Variants in HORMAD2 observed in about 807,000 individuals in gnomAD.
HORMAD2 encodes the protein HORMA domain containing 2, also known as HORMA domain-containing protein 2.
A neutral mutation model predicts 38.8 loss-of-function variants in HORMAD2; 45 were observed. The ratio of observed to expected loss-of-function variants is 1.16; its 90% CI spans 0.91 to 1.49. The LOEUF (loss-of-function observed/expected upper bound fraction) is 1.49. Ranked by LOEUF, HORMAD2 falls within the 40% of genes most tolerant of loss-of-function variation. The probability of loss-of-function intolerance (pLI) is 0.00; values close to 1 mark genes in which losing one functional copy is unlikely to be tolerated. For missense variants in HORMAD2, 338 were observed against 367.0 expected (o/e 0.92, Z 0.65); for synonymous variants, 126 against 122.8 (o/e 1.03, Z -0.17).
intron 10 of HORMAD2, among the ~76,000 whole-genome samples, chr22:30,150,734 C>T (rs888121867): frequency 6.6e-6 from 1 of 152,206 alleles, no homozygotes; most frequent in Non-Finnish European, 1.5e-5. Context: ...GGCTAGCCAA[C>T]AGTGTTTTGG....
chr22:30,159,333 A>T (rs2146212603), intron 10 of HORMAD2, among the ~76,000 whole-genome samples: 1 of 152,298 alleles, frequency 6.6e-6, no homozygotes, highest in Middle Eastern at 3.4e-3. Flanking sequence ...AAGCCCTACC[A>T]CATCACGGAA....
chr22:30,199,114 C>T, the HORMAD2 span, among the ~76,000 whole-genome samples: 1 of 152,196 alleles, frequency 6.6e-6, no homozygotes, highest in African/African-American at 2.4e-5. Context: ...TTTCCCCAAC[C>T]TAATTTTGTT....
chr22:30,205,429 C>G, the HORMAD2 span, among the ~76,000 whole-genome samples: 7 of 152,300 alleles, frequency 4.6e-5, no homozygotes, highest in African/African-American at 1.7e-4. Context: ...CCAGCTACCT[C>G]GTTTCGCAGA....
chr22:30,111,369 G>A (rs7287570), intron 5 of HORMAD2, among the ~76,000 whole-genome samples: 37 of 151,784 alleles, frequency 2.4e-4, no homozygotes, highest in African/African-American at 8.0e-4. Context: ...ATCTGTAATC[G>A]CAGCTACTCA....
At chr22:30,167,721 G>T (rs1372688646) in intron 10 of HORMAD2, among the ~76,000 whole-genome samples, 1 of 152,150 alleles carries the variant, frequency 6.6e-6, no homozygotes, top group Non-Finnish European at 1.5e-5. Context: ...AATAGGCTGT[G>T]CCCAAGGAAA....
At chr22:30,173,528 C>T (rs1274094201) in intron 10 of HORMAD2, among the ~76,000 whole-genome samples, 1 of 152,118 alleles carries the variant, frequency 6.6e-6, no homozygotes, top group Admixed American at 6.5e-5. Context: ...ACTTGGACAC[C>T]TTGGGTGAGT....
chr22:30,102,077 A>T (rs1920950769), intron 3 of HORMAD2, among the ~76,000 whole-genome samples: 1 of 152,102 alleles, frequency 6.6e-6, no homozygotes, highest in Non-Finnish European at 1.5e-5. Context: ...CAAAAAAAAA[A>T]ATTATCTTAA....
chr22:30,140,799 A>T (rs1248149009), intron 10 of HORMAD2, among the ~76,000 whole-genome samples: 1 of 151,926 alleles, frequency 6.6e-6, no homozygotes, highest in East Asian at 1.9e-4. Flanking sequence ...AATCTGTATT[A>T]TTTCCTTCCT....
At chr22:30,119,292 C>CA (rs1219499346) in intron 8 of HORMAD2, among the ~76,000 whole-genome samples, 17 of 152,200 alleles carry the variant, frequency 1.1e-4, no homozygotes, top group African/African-American at 4.1e-4. Context: ...AGGTTGCCTA[C>CA]ACGCTATTGA....
chr22:30,150,285 C>T (rs1418024000), intron 10 of HORMAD2, among the ~76,000 whole-genome samples: 3 of 152,090 alleles, frequency 2.0e-5, no homozygotes, highest in Non-Finnish European at 4.4e-5. Flanking sequence ...CATAGTCCTA[C>T]TCTTCTATTG....
At chr22:30,086,788 T>C (rs1019505852) in intron 1 of HORMAD2, among the ~76,000 whole-genome samples, 1 of 152,058 alleles carries the variant, frequency 6.6e-6, no homozygotes, top group Non-Finnish European at 1.5e-5. Flanking sequence ...ATTTGAGATA[T>C]ATATATATAT....
At chr22:30,198,945 C>T in the HORMAD2 span, among the ~76,000 whole-genome samples, 3 of 152,220 alleles carry the variant, frequency 2.0e-5, no homozygotes, top group South Asian at 2.1e-4. Flanking sequence ...GTACCAGCTT[C>T]GTACAAGGCT....
At chr22:30,163,135 G>A (rs1247347865) in intron 10 of HORMAD2, among the ~76,000 whole-genome samples, 1 of 151,862 alleles carries the variant, frequency 6.6e-6, no homozygotes, top group East Asian at 1.9e-4. Context: ...TTTAACTGTG[G>A]CATAGTAATC....
At chr22:30,091,506 C>T (rs1458912505) in intron 1 of HORMAD2, among the ~76,000 whole-genome samples, 1 of 151,988 alleles carries the variant, frequency 6.6e-6, no homozygotes, top group African/African-American at 2.4e-5. Flanking sequence ...GCTCAAGCAA[C>T]CTGCCTGCCT....
rs143678585 is a variant in HORMAD2 at position 30,172,300 on chromosome 22, G to C, written c.820-3763G>C. ...TGATAGGTCCCAAACACCTAGAAGA[G>C]TGCCATGCACATAGCTGACACTCAA... On this transcript the variant is annotated intron_variant, in intron 10 of 10. Transcript: ENST00000336726. Among the ~76,000 whole-genome samples, 610 of 152,328 alleles carry C rather than the reference G, an allele frequency of 4.0e-3. 1 individual carries two copies. The highest frequency in any genetic ancestry group is 6.5e-3 in the Non-Finnish European group (441 of 68,024).
intron 10 of HORMAD2, among the ~76,000 whole-genome samples, chr22:30,146,650 G>A (rs1333668554): frequency 1.3e-5 from 2 of 152,140 alleles, no homozygotes; most frequent in South Asian, 2.1e-4. Context: ...CAGGGAATAA[G>A]ACTCTTACCA....
intron 1 of HORMAD2, among the ~76,000 whole-genome samples, chr22:30,085,869 C>T (rs9608845): frequency 0.15 from 23,450 of 152,232 alleles, 1,894 homozygotes; most frequent in South Asian, 0.26. Context: ...TTAAAGACAA[C>T]TATGGTACAG....
intron 10 of HORMAD2, among the ~76,000 whole-genome samples, chr22:30,130,959 A>G (rs1394719583): frequency 1.3e-5 from 2 of 152,068 alleles, no homozygotes; most frequent in Non-Finnish European, 2.9e-5. Context: ...CTACACAAAC[A>G]CAAAAGCACT....
intron 9 of HORMAD2, 49 bp from the exon 10 acceptor site, chr22:30,121,915 T>C: frequency 6.3e-7 from 1 of 1,578,590 alleles, no homozygotes; most frequent in Non-Finnish European, 8.6e-7. Flanking sequence ...ATCGGATTTG[T>C]TGTATTGAAA....
Sources: allele counts gnomAD v4.1 joint callset (sites outside exome capture counted in the v4.1 genomes callset), GRCh38; gene constraint gnomAD v4.1.1; transcripts MANE v1.5; gene names NCBI Gene and HGNC (gene_info 2026-07-23, HGNC 2026-07-21).